The following PIP4K2A variants were observed in gnomAD, a reference collection of about 807,000 sequenced individuals.
The protein encoded by PIP4K2A is phosphatidylinositol-5-phosphate 4-kinase type 2 alpha.
Under a neutral mutation model 42.9 loss-of-function variants are expected in PIP4K2A, and 14 were observed. The observed-to-expected ratio is 0.33, with a 90% CI of 0.22 to 0.51. PIP4K2A has a LOEUF of 0.51. PIP4K2A is among the 20% of genes least tolerant of loss of function. The pLI is 0.97. For synonymous variants in PIP4K2A, 192 were observed against 192.2 expected, an observed-to-expected ratio of 1.00 and a Z score of 0.01; for missense variants, 434 against 519.8, an observed-to-expected ratio of 0.83 and a Z score of 1.61.
chr10:22,678,195 C>T (rs1184007137), intron 1 of PIP4K2A, among the ~76,000 whole-genome samples: 2 of 151,722 alleles, frequency 1.3e-5, no homozygotes, highest in South Asian at 2.1e-4. Flanking sequence ...CCCCTGCCAA[C>T]CCCCCTTTCA....
intron 1 of PIP4K2A, among the ~76,000 whole-genome samples, chr10:22,646,933 AAAAACAAAAC>A (rs760225095): frequency 1.7e-4 from 14 of 82,424 alleles, no homozygotes; most frequent in African/African-American, 3.0e-4. Flanking sequence ...AAACAAAACA[AAAAACAAAAC>A]AAAACAAAAC....
At chr10:22,641,895 C>T (rs1460477460) in intron 1 of PIP4K2A, 1 of 152,250 alleles carries the variant, frequency 6.6e-6, no homozygotes, top group East Asian at 1.9e-4. Flanking sequence ...GGGTTCTCTA[C>T]TCTGCAGCCA....
At chr10:22,654,998 A>G (rs1293023050) in intron 1 of PIP4K2A, among the ~76,000 whole-genome samples, 2 of 152,168 alleles carry the variant, frequency 1.3e-5, no homozygotes, top group Non-Finnish European at 2.9e-5. Context: ...TCCCTACTTT[A>G]GAAGGCCAAG....
At chr10:22,562,993 G>A (rs1836749924) in intron 6 of PIP4K2A, among the ~76,000 whole-genome samples, 1 of 152,068 alleles carries the variant, frequency 6.6e-6, no homozygotes, top group African/African-American at 2.4e-5. Flanking sequence ...GAAGTGAGGA[G>A]GAGAAAAGGA....
At chr10:22,687,361 G>A (rs544931879) in intron 1 of PIP4K2A, among the ~76,000 whole-genome samples, 8 of 152,166 alleles carry the variant, frequency 5.3e-5, no homozygotes, top group African/African-American at 9.6e-5. Context: ...TATCAGAGCC[G>A]AGGTGGAGGG....
At chr10:22,575,781 T>C (rs1165350529) in intron 4 of PIP4K2A, among the ~76,000 whole-genome samples, 1 of 151,814 alleles carries the variant, frequency 6.6e-6, no homozygotes, top group East Asian at 1.9e-4. Context: ...CTACTAAAAA[T>C]ACAACAATTA....
At chr10:22,684,338 CTTA>C (rs1385158181) in intron 1 of PIP4K2A, among the ~76,000 whole-genome samples, 1 of 152,108 alleles carries the variant, frequency 6.6e-6, no homozygotes, top group Non-Finnish European at 1.5e-5. Context: ...GTCTGAATCC[CTTA>C]TTTTTTCTTT....
intron 5 of PIP4K2A, among the ~76,000 whole-genome samples, chr10:22,568,561 A>C (rs1836904398): frequency 6.6e-6 from 1 of 152,158 alleles, no homozygotes; most frequent in Non-Finnish European, 1.5e-5. Context: ...AGAGGTACAA[A>C]GTGGAGGAAA....
intron 1 of PIP4K2A, among the ~76,000 whole-genome samples, chr10:22,681,321 G>C (rs985616616): frequency 6.6e-6 from 1 of 152,142 alleles, no homozygotes; most frequent in African/African-American, 2.4e-5. Flanking sequence ...GAGGTTGGAG[G>C]GGACCTCTGT....
chr10:22,559,844 CA>C (rs1396107078), intron 6 of PIP4K2A, among the ~76,000 whole-genome samples: 7 of 152,140 alleles, frequency 4.6e-5, no homozygotes, highest in African/African-American at 7.2e-5. Context: ...ATGACGCAAG[CA>C]AATCCTTTAA....
chr10:22,554,970 TCTG>T (rs1325232087), intron 6 of PIP4K2A, among the ~76,000 whole-genome samples: 1 of 152,166 alleles, frequency 6.6e-6, no homozygotes. Context: ...CATGAGGTAA[TCTG>T]CTGCGGTGGG....
At chr10:22,667,118 A>G (rs941101011) in intron 1 of PIP4K2A, among the ~76,000 whole-genome samples, 1 of 152,264 alleles carries the variant, frequency 6.6e-6, no homozygotes, top group Non-Finnish European at 1.5e-5. Context: ...CATCAGAGTC[A>G]GAAAAATATT....
chr10:22,639,757 A>G (rs928758711), intron 1 of PIP4K2A, among the ~76,000 whole-genome samples: 1 of 152,228 alleles, frequency 6.6e-6, no homozygotes, highest in African/African-American at 2.4e-5. Flanking sequence ...CAAGAAGCAT[A>G]AAAGGATTGT....
intron 1 of PIP4K2A, among the ~76,000 whole-genome samples, chr10:22,642,546 T>C (rs1838800992): frequency 7.2e-6 from 1 of 138,188 alleles, no homozygotes. Flanking sequence ...AGTGTATTTA[T>C]AAACAGATCA....
intron 1 of PIP4K2A, among the ~76,000 whole-genome samples, chr10:22,615,073 T>C (rs1021886716): frequency 1.3e-5 from 2 of 152,346 alleles, no homozygotes; most frequent in African/African-American, 2.4e-5. Context: ...TACCCTAAAA[T>C]TGATAACTAA....
chr10:22,653,806 G>A (rs996367322), intron 1 of PIP4K2A, among the ~76,000 whole-genome samples: 5 of 152,250 alleles, frequency 3.3e-5, no homozygotes, highest in African/African-American at 4.8e-5. Context: ...TCCAGAAGGC[G>A]GAGGTTGCAG....
Position 22,647,234 on chromosome 10 carries a change from T to C in PIP4K2A, c.145-37517A>G, listed in dbSNP as rs555839486. Among the ~76,000 whole-genome samples, 6 of 152,322 alleles carry C rather than the reference T, an allele frequency of 3.9e-5. No individual in the cohort carries two copies. In the East Asian group the frequency reaches 7.7e-4, roughly 20 times the overall value. ...GTGTATGTGTGCCCATGTGCCATTT[T>C]TGGTAGCAAGATACAGGGTAGGAGA... On this transcript the variant is annotated intron_variant, in intron 1 of 9. Coordinates refer to ENST00000376573, the MANE Select transcript of PIP4K2A (RefSeq NM_005028.5).
intron 4 of PIP4K2A, among the ~76,000 whole-genome samples, chr10:22,589,042 C>G (rs565693765): frequency 6.6e-6 from 1 of 152,154 alleles, no homozygotes; most frequent in Admixed American, 6.5e-5. Context: ...CCAGAGAAAA[C>G]ATTTCAAATC....
At chr10:22,681,465 A>C (rs58727843) in intron 1 of PIP4K2A, among the ~76,000 whole-genome samples, 1 of 151,954 alleles carries the variant, frequency 6.6e-6, no homozygotes, top group African/African-American at 2.4e-5. Flanking sequence ...TTTAAGTTTC[A>C]GAGTTTGAGA....
Sources: allele counts gnomAD v4.1 joint callset (sites outside exome capture counted in the v4.1 genomes callset), GRCh38; gene constraint gnomAD v4.1.1; transcripts MANE v1.5; gene names NCBI Gene and HGNC (gene_info 2026-07-23, HGNC 2026-07-21).